FTCDNL1: variants seen among roughly 807,000 people sequenced by gnomAD.
FTCDNL1 encodes the protein formiminotransferase cyclodeaminase N-terminal like.
FTCDNL1 carries 11 observed loss-of-function variants against 5.9 expected under a neutral mutation model. That is an observed-to-expected ratio of 1.87 (90% confidence interval 1.18 to 3.10). The LOEUF (loss-of-function observed/expected upper bound fraction) is 3.10, where lower values mean the gene tolerates loss of function less well. FTCDNL1 is among the 30% of genes most tolerant of loss of function. FTCDNL1 has a pLI of 0.00. For missense variants in FTCDNL1, 115 were observed against 65.5 expected, an observed-to-expected ratio of 1.76 and a Z score of -2.61; for synonymous variants, 58 against 24.8, an observed-to-expected ratio of 2.34 and a Z score of -3.99.
At chr2:199,707,895 A>C in the FTCDNL1 span, among the ~76,000 whole-genome samples, 4 of 151,804 alleles carry the variant, frequency 2.6e-5, no homozygotes, top group African/African-American at 9.7e-5. Flanking sequence ...GCTTTATAGG[A>C]GTTTGATTCT....
At chr2:199,806,856 G>A (rs1700750872), downstream of FTCDNL1, among the ~76,000 whole-genome samples, 1 of 152,078 alleles carries the variant, frequency 6.6e-6, no homozygotes, top group Admixed American at 6.6e-5. Context: ...GTTTAAAGTT[G>A]GGTAGAATAA....
chr2:199,820,839 G>A (rs1701638272), intron 3 of FTCDNL1, among the ~76,000 whole-genome samples: 1 of 152,128 alleles, frequency 6.6e-6, no homozygotes, highest in Non-Finnish European at 1.5e-5. Flanking sequence ...CACAGAGATG[G>A]CATACATTTT....
downstream of FTCDNL1, among the ~76,000 whole-genome samples, chr2:199,756,372 A>C (rs1320377932): frequency 6.6e-6 from 1 of 151,938 alleles, no homozygotes; most frequent in East Asian, 1.9e-4. Context: ...TGGGGGTGGG[A>C]GCCTGGCATC....
At chr2:199,786,892 G>C (rs1006174022) in intron 3 of FTCDNL1, among the ~76,000 whole-genome samples, 1 of 152,154 alleles carries the variant, frequency 6.6e-6, no homozygotes, top group African/African-American at 2.4e-5. Context: ...TGAAAATCAA[G>C]GTGTCACCTG....
chr2:199,704,218 T>C, the FTCDNL1 span, among the ~76,000 whole-genome samples: 1 of 152,076 alleles, frequency 6.6e-6, no homozygotes, highest in African/African-American at 2.4e-5. Flanking sequence ...AACAACTCAA[T>C]AAAGAACAGC....
At chr2:199,677,085 G>A in the FTCDNL1 span, among the ~76,000 whole-genome samples, 9 of 152,182 alleles carry the variant, frequency 5.9e-5, no homozygotes, top group Non-Finnish European at 1.0e-4. Flanking sequence ...CTGGAGAAGC[G>A]TGTTGAGGTA....
At chr2:199,723,060 C>G in the FTCDNL1 span, among the ~76,000 whole-genome samples, 1 of 151,966 alleles carries the variant, frequency 6.6e-6, no homozygotes, top group Admixed American at 6.6e-5. Context: ...AACCCATCAC[C>G]TAAATATTAA....
downstream of FTCDNL1, among the ~76,000 whole-genome samples, chr2:199,759,895 T>G (rs1431985075): frequency 6.6e-6 from 1 of 152,202 alleles, no homozygotes; most frequent in Non-Finnish European, 1.5e-5. Flanking sequence ...CCTAGCAGAA[T>G]GCACTGGTCC....
intron 3 of FTCDNL1, among the ~76,000 whole-genome samples, chr2:199,801,304 C>T (rs1007616918): frequency 6.6e-6 from 1 of 152,144 alleles, no homozygotes; most frequent in African/African-American, 2.4e-5. Flanking sequence ...ATGTCCAGAG[C>T]CACTCCCAGA....
At chr2:199,819,313 G>C in intron 4 of FTCDNL1, 1 of 447,326 alleles carries the variant, frequency 2.2e-6, no homozygotes, top group Non-Finnish European at 4.1e-6. Context: ...TTTCATCAGT[G>C]ATCACGTTGC....
At chr2:199,695,549 A>G in the FTCDNL1 span, among the ~76,000 whole-genome samples, 2 of 151,952 alleles carry the variant, frequency 1.3e-5, no homozygotes, top group African/African-American at 4.9e-5. Context: ...CTCTGGGCTG[A>G]AGGGAGAGGA....
At position 199,783,856 on chromosome 2, in the gene FTCDNL1, A is replaced by C. The variant is rs115281018; in HGVS notation, c.212-23021T>G. The stretch of plus-strand genomic sequence containing the variant: ...GGGTCTTTCTGTGCTGAAAAAAAAA[A>C]CAAAAAGGATTTTGTATCATGTTCA... On this transcript the variant is annotated intron_variant, in intron 3 of 3. Coordinates refer to the FTCDNL1 transcript ENST00000416668. Among the ~76,000 whole-genome samples, 601 of 152,212 alleles carry C rather than the reference A, an allele frequency of 3.9e-3. 5 individuals are homozygous for C. Among genetic ancestry groups the C allele is most frequent in the African/African-American group, 0.014 (581 of 41,530 alleles).
chr2:199,717,844 G>C, the FTCDNL1 span, among the ~76,000 whole-genome samples: 1 of 151,802 alleles, frequency 6.6e-6, no homozygotes. Context: ...TCCTTGCCCA[G>C]TTATTTTCAA....
intron 3 of FTCDNL1, among the ~76,000 whole-genome samples, chr2:199,844,165 T>C (rs977144000): frequency 2.0e-5 from 3 of 152,030 alleles, no homozygotes; most frequent in Non-Finnish European, 4.4e-5. Flanking sequence ...ATTGATTTTT[T>C]TTTTTTTGCC....
At chr2:199,664,163 T>C in the FTCDNL1 span, among the ~76,000 whole-genome samples, 1 of 152,160 alleles carries the variant, frequency 6.6e-6, no homozygotes, top group Non-Finnish European at 1.5e-5. Context: ...AGATCGGTGA[T>C]ATTGTAGCAT....
At chr2:199,806,133 G>C (rs536400642), downstream of FTCDNL1, among the ~76,000 whole-genome samples, 2 of 152,260 alleles carry the variant, frequency 1.3e-5, no homozygotes, top group South Asian at 2.1e-4. Context: ...CCAGAGCCCT[G>C]CTCACCAGGA....
At position 199,784,889 on chromosome 2, in the gene FTCDNL1, C is replaced by T. The variant is rs1574498107; in HGVS notation, c.212-24054G>A. 4.6e-5 allele frequency among the ~76,000 whole-genome samples: 7 copies of T among 152,168 alleles called. No homozygotes were observed. The South Asian group carries it at 1.4e-3, about 32-fold the overall frequency. On this transcript the variant is annotated intron_variant, in intron 3 of 3. Transcript: ENST00000416668. ...AGGATAGCCTACAGCATTCAAGACTCCATCAAAGTGGGATTTGTAGACTGA... is the reference window on the plus strand; with the variant it reads ...AGGATAGCCTACAGCATTCAAGACTTCATCAAAGTGGGATTTGTAGACTGA...
chr2:199,743,652 G>T, the FTCDNL1 span, among the ~76,000 whole-genome samples: 1 of 151,924 alleles, frequency 6.6e-6, no homozygotes, highest in Admixed American at 6.5e-5. Context: ...CACGTCCCTT[G>T]CCTCTGCCTC....
chr2:199,812,727 A>T lies in FTCDNL1; in HGVS notation c.398-3T>A, dbSNP rs1701108411. The T allele has an allele frequency of 1.4e-6, 1 of 698,082 alleles. No individual in the cohort carries two copies. Among genetic ancestry groups the T allele is most frequent in the African/African-American group, 1.8e-5 (1 of 57,072 alleles). The allele number at this position is 698,082 out of a possible 1,614,324, so 43.2% of individuals were successfully genotyped here. ...CTGTCACAACGCCCTGAAGCAAGCT[A>T]AAAACAAGGAAAAAAATCTTTGGTA... On this transcript the variant is annotated splice_polypyrimidine_tract_variant and splice_region_variant and intron_variant, in intron 4 of 4. Coordinates refer to ENST00000420128, the MANE Select transcript of FTCDNL1 (RefSeq NM_001363886.2).
Sources: gnomAD v4.1 joint callset for allele counts (sites outside exome capture counted in the v4.1 genomes callset) on GRCh38, gnomAD v4.1.1 for gene constraint, MANE v1.5 for transcripts, NCBI Gene and HGNC (gene_info 2026-07-23, HGNC 2026-07-21) for gene names.